The following CDH13 variants were observed in gnomAD, a reference collection of about 807,000 sequenced individuals.
CDH13 encodes the protein cadherin-13.
In CDH13, 24 loss-of-function variants were observed where a neutral mutation model predicts 63.8. That is an observed-to-expected ratio of 0.38 (90% confidence interval 0.27 to 0.53). The LOEUF (loss-of-function observed/expected upper bound fraction) is 0.53. CDH13 is among the 20% of genes least tolerant of loss of function. The pLI is 0.85. For missense variants in CDH13, 1,049 were observed against 903.1 expected, an observed-to-expected ratio of 1.16 and a Z score of -2.07; for synonymous variants, 503 against 355.3, an observed-to-expected ratio of 1.42 and a Z score of -4.67.
chr16:83,672,412 T>TTG (rs1914584763), intron 9 of CDH13, among the ~76,000 whole-genome samples: 1 of 51,134 alleles, frequency 2.0e-5, no homozygotes, highest in Admixed American at 2.1e-4. Context: ...GGATTCTCTT[T>TTG]TTTTTTTTTT....
At chr16:83,337,318 C>G (rs980510311) in intron 5 of CDH13, among the ~76,000 whole-genome samples, 1 of 152,132 alleles carries the variant, frequency 6.6e-6, no homozygotes, top group Non-Finnish European at 1.5e-5. Flanking sequence ...AAACTCAAGG[C>G]TGAAACTGCT....
chr16:83,391,115 G>C (rs1437191298), intron 6 of CDH13, among the ~76,000 whole-genome samples: 1 of 152,136 alleles, frequency 6.6e-6, no homozygotes, highest in African/African-American at 2.4e-5. Context: ...TTCACCATCT[G>C]CTGCCCAGGG....
intron 3 of CDH13, among the ~76,000 whole-genome samples, chr16:83,108,966 C>G (rs2034925367): frequency 6.6e-6 from 1 of 152,164 alleles, no homozygotes; most frequent in Non-Finnish European, 1.5e-5. Context: ...CTTCCCCTCC[C>G]TGCCTCACTT....
chr16:82,827,494 C>G (rs2038310203), intron 1 of CDH13, among the ~76,000 whole-genome samples: 2 of 152,126 alleles, frequency 1.3e-5, no homozygotes, highest in African/African-American at 2.4e-5. Flanking sequence ...TGATGTGAGT[C>G]TTGGGCTCTG....
chr16:83,486,711 C>G, intron 7 of CDH13, 56 bp downstream of exon 7: 1 of 1,529,038 alleles, frequency 6.5e-7, no homozygotes, highest in Non-Finnish European at 9.0e-7. Context: ...GGCTTTCATG[C>G]AAGGGATGAT....
intron 3 of CDH13, among the ~76,000 whole-genome samples, chr16:83,093,574 C>T (rs1597322819): frequency 6.6e-6 from 1 of 152,084 alleles, no homozygotes; most frequent in East Asian, 1.9e-4. Context: ...CCTACCTCGG[C>T]CTCCCAAAGT....
intron 1 of CDH13, among the ~76,000 whole-genome samples, chr16:82,819,978 G>T (rs900557162): frequency 6.6e-6 from 1 of 152,134 alleles, no homozygotes. Flanking sequence ...ATTTATCTGA[G>T]AAGTGGTTCC....
intron 5 of CDH13, among the ~76,000 whole-genome samples, chr16:83,268,317 G>A (rs2088687645): frequency 6.6e-6 from 1 of 152,202 alleles, no homozygotes; most frequent in Admixed American, 6.5e-5. Context: ...CAGTTACGCT[G>A]CTGGTGAGCT....
In CDH13 at chr16:82,938,007, G is replaced by A. The variant is rs144673858; in HGVS notation, c.157+79534G>A. Among the ~76,000 whole-genome samples the A allele has an allele frequency of 3.5e-3, 527 of 152,270 alleles. 2 individuals are homozygous for A. The highest frequency in any genetic ancestry group is 6.9e-3 in the Admixed American group (105 of 15,294). ...ACCCTGTAACAATGGAATTGTGTTA[G>A]CTTACATAATTTTCATTGTTTAATT... is the stretch of plus-strand genomic sequence containing the variant. On this transcript the variant is annotated intron_variant, in intron 2 of 13. Coordinates refer to ENST00000567109, the MANE Select transcript of CDH13 (RefSeq NM_001257.5).
chr16:83,328,580 A>C (rs539401371), intron 5 of CDH13, among the ~76,000 whole-genome samples: 1 of 152,312 alleles, frequency 6.6e-6, no homozygotes, highest in East Asian at 1.9e-4. Context: ...AGCAACTCAG[A>C]AACAATTTAC....
chr16:83,322,372 G>A (rs1191728759), intron 5 of CDH13, among the ~76,000 whole-genome samples: 2 of 152,246 alleles, frequency 1.3e-5, no homozygotes, highest in East Asian at 3.9e-4. Context: ...TAGCTTTAGG[G>A]GATATTACTG....
intron 2 of CDH13, among the ~76,000 whole-genome samples, chr16:83,027,549 G>T (rs999961736): frequency 1.3e-5 from 2 of 152,152 alleles, no homozygotes; most frequent in African/African-American, 4.8e-5. Flanking sequence ...AGGCAGAGGG[G>T]AGGCTGATGG....
At chr16:83,710,219 C>T (rs2150922174) in intron 10 of CDH13, 1 of 152,354 alleles carries the variant, frequency 6.6e-6, no homozygotes, top group African/African-American at 2.4e-5. Flanking sequence ...TCTCCACTCT[C>T]CCCAATTAGA....
intron 3 of CDH13, among the ~76,000 whole-genome samples, chr16:83,115,625 C>T (rs1001625543): frequency 6.6e-6 from 1 of 152,230 alleles, no homozygotes; most frequent in Non-Finnish European, 1.5e-5. Flanking sequence ...CATAATTGGG[C>T]TGGGCTGACT....
intron 4 of CDH13, among the ~76,000 whole-genome samples, chr16:83,167,833 A>G (rs1221794375): frequency 6.6e-6 from 1 of 152,126 alleles, no homozygotes; most frequent in Non-Finnish European, 1.5e-5. Flanking sequence ...ATTGAAAAAA[A>G]ACGTGGTACA....
intron 2 of CDH13, among the ~76,000 whole-genome samples, chr16:82,867,663 C>T (rs1445673225): frequency 6.6e-6 from 1 of 152,074 alleles, no homozygotes; most frequent in East Asian, 1.9e-4. Flanking sequence ...TTTTAATTGA[C>T]TATAAATCAA....
intron 3 of CDH13, among the ~76,000 whole-genome samples, chr16:83,102,399 G>T (rs1158568646): frequency 6.6e-6 from 1 of 152,202 alleles, no homozygotes; most frequent in Non-Finnish European, 1.5e-5. Flanking sequence ...CAGCAAATCT[G>T]CAGGCTCTGA....
intron 1 of CDH13, among the ~76,000 whole-genome samples, chr16:82,828,530 G>C (rs1229617704): frequency 6.6e-6 from 1 of 152,074 alleles, no homozygotes; most frequent in African/African-American, 2.4e-5. Context: ...AGGTGGCTGA[G>C]GCATGAGAAT....
At chr16:82,741,076 C>G (rs1244375366) in intron 1 of CDH13, among the ~76,000 whole-genome samples, 1 of 152,180 alleles carries the variant, frequency 6.6e-6, no homozygotes, top group Non-Finnish European at 1.5e-5. Context: ...ACTCTCCCCA[C>G]ACCCCCAAAC....
Sources: allele counts gnomAD v4.1 joint callset (sites outside exome capture counted in the v4.1 genomes callset), GRCh38; gene constraint gnomAD v4.1.1; transcripts MANE v1.5; gene names NCBI Gene and HGNC (gene_info 2026-07-23, HGNC 2026-07-21).